ANKS1B: variants seen among roughly 807,000 people sequenced by gnomAD.
ANKS1B encodes the protein ankyrin repeat and sterile alpha motif domain-containing protein 1B.
In ANKS1B, 36 loss-of-function variants were observed where a neutral mutation model predicts 148.3. That is an observed-to-expected ratio of 0.24 (90% CI 0.19 to 0.32). The LOEUF (loss-of-function observed/expected upper bound fraction) is 0.32. ANKS1B is among the 10% of genes least tolerant of loss of function. The probability of loss-of-function intolerance (pLI) is 1.00; values close to 1 mark genes in which losing one functional copy is unlikely to be tolerated. For missense variants in ANKS1B, 1,157 were observed against 1,542.6 expected (o/e 0.75, Z 4.19); for synonymous variants, 542 against 560.8 (o/e 0.97, Z 0.47).
chr12:98,948,838 TA>T (rs1270336927), intron 17 of ANKS1B, among the ~76,000 whole-genome samples: 1 of 150,244 alleles, frequency 6.7e-6, no homozygotes, highest in East Asian at 2.0e-4. Context: ...ACACGGGTAG[TA>T]ACTCTCAAAT....
chr12:99,363,706 T>C (rs1327879181), intron 12 of ANKS1B, among the ~76,000 whole-genome samples: 1 of 152,160 alleles, frequency 6.6e-6, no homozygotes, highest in Non-Finnish European at 1.5e-5. Context: ...GACTATGCCT[T>C]TAAGTTTTAA....
intron 22 of ANKS1B, among the ~76,000 whole-genome samples, chr12:98,784,994 A>G (rs2098777059): frequency 6.6e-6 from 1 of 152,168 alleles, no homozygotes; most frequent in African/African-American, 2.4e-5. Flanking sequence ...GACCAGCCAG[A>G]GAGTTCAAAG....
intron 9 of ANKS1B, among the ~76,000 whole-genome samples, chr12:99,531,078 G>T (rs1189098388): frequency 6.6e-6 from 1 of 152,054 alleles, no homozygotes; most frequent in African/African-American, 2.4e-5. Context: ...TTCCTTCATA[G>T]GCAATCATAA....
rs544135668 is a variant in ANKS1B at position 99,236,900 on chromosome 12, G to A, written c.2419+7442C>T. On this transcript the variant is annotated intron_variant, in intron 14 of 26. Coordinates refer to ENST00000683438, the MANE Select transcript of ANKS1B (RefSeq NM_001352186.2). Reference sequence around the variant, plus strand: ...CACTTATAAGTGGGAGCTAAATGACGAGAACACATGGACACACAGAGGGGA... The same window carrying A: ...CACTTATAAGTGGGAGCTAAATGACAAGAACACATGGACACACAGAGGGGA... Among the ~76,000 whole-genome samples the A allele has an allele frequency of 2.3e-3, 352 of 152,204 alleles. 6 individuals carry two copies. In the South Asian group the frequency reaches 0.042, roughly 18 times the overall value.
chr12:99,509,991 T>G (rs925610163), intron 9 of ANKS1B, among the ~76,000 whole-genome samples: 1 of 152,004 alleles, frequency 6.6e-6, no homozygotes, highest in African/African-American at 2.4e-5. Flanking sequence ...GCTCTATAAA[T>G]GAAACAACAA....
intron 12 of ANKS1B, among the ~76,000 whole-genome samples, chr12:99,321,945 A>G (rs1769904853): frequency 6.6e-6 from 1 of 152,200 alleles, no homozygotes; most frequent in Admixed American, 6.5e-5. Flanking sequence ...GGAAGACAGT[A>G]TGGTGATTCC....
intron 17 of ANKS1B, among the ~76,000 whole-genome samples, chr12:98,978,451 G>A (rs992616840): frequency 3.3e-5 from 5 of 151,898 alleles, no homozygotes; most frequent in African/African-American, 4.8e-5. Flanking sequence ...ATTTGATTAC[G>A]CTCTGGTCAA....
chr12:99,238,790 C>A (rs2088593476), intron 14 of ANKS1B, among the ~76,000 whole-genome samples: 1 of 152,116 alleles, frequency 6.6e-6, no homozygotes, highest in Admixed American at 6.5e-5. Context: ...GAGTGGGCCT[C>A]CAGCAAACTC....
intron 25 of ANKS1B, among the ~76,000 whole-genome samples, chr12:98,759,974 C>T (rs7297086): frequency 0.41 from 61,479 of 151,654 alleles, 12,760 homozygotes; most frequent in African/African-American, 0.48. Flanking sequence ...AGTGAGACTC[C>T]GTCTAAAAAT....
At chr12:99,151,527 CA>C (rs10710183) in intron 15 of ANKS1B, among the ~76,000 whole-genome samples, 73,283 of 135,568 alleles carry the variant, frequency 0.54, 20,099 homozygotes, top group African/African-American at 0.77. Context: ...GACTCCCACT[CA>C]AAAAAAAAAA....
intron 8 of ANKS1B, among the ~76,000 whole-genome samples, chr12:99,692,338 A>G (rs2098683682): frequency 6.6e-6 from 1 of 152,116 alleles, no homozygotes; most frequent in Non-Finnish European, 1.5e-5. Context: ...TTTAAAGTGG[A>G]GTTAACAGGA....
intron 20 of ANKS1B, among the ~76,000 whole-genome samples, chr12:98,806,530 C>G (rs2099052087): frequency 6.6e-6 from 1 of 152,096 alleles, no homozygotes; most frequent in South Asian, 2.1e-4. Context: ...CAGAGATGGG[C>G]TACCCAAACA....
chr12:99,506,724 G>A (rs903046922), intron 9 of ANKS1B, among the ~76,000 whole-genome samples: 8 of 151,826 alleles, frequency 5.3e-5, no homozygotes, highest in South Asian at 2.1e-4. Flanking sequence ...GTCAAGAAGG[G>A]CAAATTTGGC....
chr12:98,796,289 T>C (rs2098948887), intron 22 of ANKS1B, among the ~76,000 whole-genome samples: 1 of 152,188 alleles, frequency 6.6e-6, no homozygotes, highest in Non-Finnish European at 1.5e-5. Flanking sequence ...GAAAACATCT[T>C]TTTTTCAATT....
At chr12:98,844,407 C>G (rs2099431035) in intron 17 of ANKS1B, among the ~76,000 whole-genome samples, 1 of 152,110 alleles carries the variant, frequency 6.6e-6, no homozygotes. Flanking sequence ...TGGAACCCCA[C>G]CAGAAGGAGC....
intron 12 of ANKS1B, among the ~76,000 whole-genome samples, chr12:99,284,160 G>A (rs1436367366): frequency 6.6e-6 from 1 of 152,100 alleles, no homozygotes; most frequent in African/African-American, 2.4e-5. Context: ...GAATCTCAGG[G>A]GATCATCTGA....
chr12:99,910,337 AGG>A (rs1253363612), intron 1 of ANKS1B, among the ~76,000 whole-genome samples: 2 of 122,418 alleles, frequency 1.6e-5, no homozygotes, highest in Non-Finnish European at 3.2e-5. Context: ...CCTGGGCTAC[AGG>A]GCAAGACTCC....
chr12:99,594,179 G>T (rs1475735291), intron 9 of ANKS1B, among the ~76,000 whole-genome samples: 1 of 152,052 alleles, frequency 6.6e-6, no homozygotes, highest in African/African-American at 2.4e-5. Flanking sequence ...TCAAGTGCTG[G>T]AGTTAGCTGT....
At chr12:98,882,283 C>A (rs970299539) in intron 17 of ANKS1B, among the ~76,000 whole-genome samples, 7 of 152,020 alleles carry the variant, frequency 4.6e-5, no homozygotes, top group East Asian at 1.9e-4. Flanking sequence ...GAACAATCAC[C>A]GTATTAGAAA....
Sources: allele counts gnomAD v4.1 joint callset (sites outside exome capture counted in the v4.1 genomes callset), GRCh38; gene constraint gnomAD v4.1.1; transcripts MANE v1.5; gene names NCBI Gene and HGNC (gene_info 2026-07-23, HGNC 2026-07-21).